Variants in RGS14 observed in about 807,000 individuals in gnomAD.
RGS14 encodes the protein regulator of G protein signaling 14.
A neutral mutation model predicts 63.8 loss-of-function variants in RGS14; 33 were observed. The observed-to-expected ratio is 0.52, with a 90% CI of 0.39 to 0.69. The LOEUF (loss-of-function observed/expected upper bound fraction) is 0.69. Among genes scored for constraint, RGS14 ranks in the 30% least tolerant of loss-of-function variants. The probability of loss-of-function intolerance (pLI) is 0.00; values close to 1 mark genes in which losing one functional copy is unlikely to be tolerated. For missense variants in RGS14, 739 were observed against 742.9 expected, an observed-to-expected ratio of 0.99 and a Z score of 0.06; for synonymous variants, 296 against 320.9, an observed-to-expected ratio of 0.92 and a Z score of 0.83.
intron 1 of RGS14, 57 bp from the exon 2 acceptor site, chr5:177,365,906 T>A: frequency 1.3e-6 from 2 of 1,581,404 alleles, no homozygotes; most frequent in Non-Finnish European, 1.7e-6. Flanking sequence ...GGCCCAGAAC[T>A]GTCCCCTGGG....
In RGS14 at chr5:177,366,270, T is replaced by C; in HGVS notation, c.161T>C (p.Phe54Ser). ...HSLPSGPSSP[F>S]PTEEQPVASW... ...CTCCCCAGTGGTCCCAGCAGCCCCT[T>C]CCCAACCGAGGAGCAGCCTGTGGCC... Residue 54 changes from phenylalanine to serine, a missense_variant, in exon 3 of 15, where the codon TTC becomes TCC. Phe to Ser is a radical substitution (Grantham distance 155). Coordinates refer to ENST00000408923, the MANE Select transcript of RGS14 (RefSeq NM_006480.5). 2 of 1,574,230 alleles carry C rather than the reference T, an allele frequency of 1.3e-6. No individual in the cohort carries two copies. Among genetic ancestry groups the C allele is most frequent in the Non-Finnish European group, 1.7e-6 (2 of 1,160,784 alleles).
chr5:177,372,458 C>T lies in RGS14; in HGVS notation c.*383C>T. ...CCTCAGGAAGCTGGTATGAGTAAGG[C>T]CTTGAGGGTGCAGGCAGGCAGCCCT... On this transcript the variant is annotated 3_prime_UTR_variant, in exon 15 of 15. Coordinates refer to ENST00000408923, the MANE Select transcript of RGS14 (RefSeq NM_006480.5). 4.4e-6 allele frequency: 1 copy of T among 226,634 alleles called. No individual in the cohort carries two copies. The highest frequency in any genetic ancestry group is 8.7e-6 in the Non-Finnish European group (1 of 114,948). The allele number at this position is 226,634 out of a possible 1,614,324, so 14.0% of individuals were successfully genotyped here. A position where few individuals can be genotyped will look rare whatever the true frequency, so the allele number is the denominator to read the frequency against.
Position 177,369,175 on chromosome 5 carries a change from G to T in RGS14, c.1053+255G>T, listed in dbSNP as rs1413264156. On this transcript the variant is annotated intron_variant, in intron 9 of 14. Transcript: ENST00000408923. ...AAAACTGGAGAGAACCACTGTTGGA[G>T]CTGGGGTTTGCCCCTCATCATTCCC... The T allele has an allele frequency of 7.6e-6, 4 of 527,662 alleles. No individual in the cohort carries two copies. The Admixed American group carries it at 1.3e-4, about 17-fold the overall frequency. 32.7% of individuals were successfully genotyped at this position (527,662 alleles called of 1,614,324 possible).
In RGS14 at chr5:177,366,041, A is replaced by G. The variant is rs1762082875; in HGVS notation, c.67+57A>G. ...AGTGGGAGGGAGGAGGGAGGTGGAG[A>G]TGGGTGGGGACACCCCTGCCACCTG... On this transcript the variant is annotated intron_variant, in intron 2 of 14. Coordinates refer to ENST00000408923, the MANE Select transcript of RGS14 (RefSeq NM_006480.5). 4 of 1,566,662 alleles carry G rather than the reference A, an allele frequency of 2.6e-6. No individual in the cohort carries two copies. The African/African-American group carries it at 5.5e-5, about 21-fold the overall frequency.
Position 177,367,046 on chromosome 5 carries a change from T to C in RGS14, c.483+12T>C, listed in dbSNP as rs1762113898. ...CACAGCAGCTTCAGGTGGGCGATCC[T>C]GGGGGGATTGGCCTTGAAAGGGAGA... On this transcript the variant is annotated intron_variant, in intron 5 of 14. Transcript: ENST00000408923. The C allele has an allele frequency of 3.8e-6, 6 of 1,597,532 alleles. No individual in the cohort carries two copies. The highest frequency in any genetic ancestry group is 5.1e-6 in the Non-Finnish European group (6 of 1,172,002).
chr5:177,372,150 C>G lies in RGS14; in HGVS notation c.*75C>G, dbSNP rs1762288568. 6 of 1,396,004 alleles carry G rather than the reference C, an allele frequency of 4.3e-6. No individual in the cohort carries two copies. The highest frequency in any genetic ancestry group is 6.0e-6 in the Non-Finnish European group (6 of 1,005,242). 86.5% of individuals were successfully genotyped at this position (1,396,004 alleles called of 1,614,324 possible). ...ATGCCATGGGTCCGCTCTGCATGCC[C>G]TGTCTGTGCCATGAGTGTCCCTGGC... On this transcript the variant is annotated 3_prime_UTR_variant, in exon 15 of 15. Transcript: ENST00000408923.
In RGS14 at chr5:177,372,112, C is replaced by T. The variant is rs187869615; in HGVS notation, c.*37C>T. On this transcript the variant is annotated 3_prime_UTR_variant, in exon 15 of 15. Transcript: ENST00000408923. ...CAGTCCAGGACAGCTGCATGGCACC[C>T]GGCGGGCCGAGCATGCCATGGGTCC... The T allele has an allele frequency of 3.4e-3, 5,330 of 1,586,672 alleles. 15 individuals carry two copies. Among genetic ancestry groups the T allele is most frequent in the Non-Finnish European group, 4.3e-3 (4,960 of 1,159,476 alleles).
At chr5:177,370,431 A>T in intron 9 of RGS14, 160 bp from the exon 10 acceptor site, 1 of 634,672 alleles carries the variant, frequency 1.6e-6, no homozygotes. Context: ...CCAGCTTGGT[A>T]CCTTAACCCA....
chr5:177,365,085 T>G (rs1483841094), intron 1 of RGS14, among the ~76,000 whole-genome samples: 1 of 152,226 alleles, frequency 6.6e-6, no homozygotes, highest in Non-Finnish European at 1.5e-5. Context: ...CGTGCGATAG[T>G]AAGATCACTG....
intron 1 of RGS14, among the ~76,000 whole-genome samples, chr5:177,363,718 T>C (rs1322153568): frequency 1.3e-5 from 2 of 152,166 alleles, no homozygotes; most frequent in African/African-American, 4.8e-5. Context: ...CATTATTTGC[T>C]CCATTTTTAG....
rs145975673 is a variant in RGS14 at position 177,368,664 on chromosome 5, T to G, written c.850-53T>G. ...GCTTACCTATCTCTGTGTACCTGTG[T>G]GCATGCCCTTGCATGTGTACACATA... On this transcript the variant is annotated intron_variant, in intron 8 of 14. Transcript: ENST00000408923. 1,866 of 1,567,978 alleles carry G rather than the reference T, an allele frequency of 1.2e-3. 21 individuals carry two copies. The African/African-American group carries it at 0.022, about 19-fold the overall frequency.
At position 177,372,176 on chromosome 5, in the gene RGS14, C is replaced by G. The variant is rs1322880445; in HGVS notation, c.*101C>G. The G allele has an allele frequency of 5.0e-6, 6 of 1,207,488 alleles. No individual in the cohort carries two copies. Among genetic ancestry groups the G allele is most frequent in the East Asian group, 2.4e-5 (1 of 42,346 alleles). The allele number at this position is 1,207,488 out of a possible 1,614,324, so 74.8% of individuals were successfully genotyped here. Reference sequence around the variant, plus strand: ...TGTCTGTGCCATGAGTGTCCCTGGCCCCTTCCTGCCATGGGCAGGCCCGCA... The same window carrying G: ...TGTCTGTGCCATGAGTGTCCCTGGCGCCTTCCTGCCATGGGCAGGCCCGCA... On this transcript the variant is annotated 3_prime_UTR_variant, in exon 15 of 15. Transcript: ENST00000408923.
chr5:177,367,267 T>C, intron 5 of RGS14, 147 bp from the exon 6 acceptor site: 1 of 1,165,026 alleles, frequency 8.6e-7, no homozygotes, highest in East Asian at 2.6e-5. Flanking sequence ...ACCCCGGGGG[T>C]GGGTATAGGA....
Position 177,372,152 on chromosome 5 carries a change from G to A in RGS14, c.*77G>A, listed in dbSNP as rs1252933289. ...GCCATGGGTCCGCTCTGCATGCCCTGTCTGTGCCATGAGTGTCCCTGGCCC... is the reference window on the plus strand; with the variant it reads ...GCCATGGGTCCGCTCTGCATGCCCTATCTGTGCCATGAGTGTCCCTGGCCC... On this transcript the variant is annotated 3_prime_UTR_variant, in exon 15 of 15. Transcript: ENST00000408923. 2 of 1,396,992 alleles carry A rather than the reference G, an allele frequency of 1.4e-6. No individual in the cohort carries two copies. Among genetic ancestry groups the A allele is most frequent in the African/African-American group, 2.8e-5 (2 of 70,474 alleles). 86.5% of individuals were successfully genotyped at this position (1,396,992 alleles called of 1,614,324 possible).
chr5:177,368,702 C>A lies in RGS14; in HGVS notation c.850-15C>A. On this transcript the variant is annotated splice_polypyrimidine_tract_variant and intron_variant, in intron 8 of 14. Transcript: ENST00000408923. Reference sequence around the variant, plus strand: ...ATGTGTACACATAATCTCCCCCACTCCTGCCATGAATCAGAGCCACCGGAA... The same window carrying A: ...ATGTGTACACATAATCTCCCCCACTACTGCCATGAATCAGAGCCACCGGAA... 6.2e-7 allele frequency: 1 copy of A among 1,613,576 alleles called. No homozygotes were observed. Among genetic ancestry groups the A allele is most frequent in the South Asian group, 1.1e-5 (1 of 91,048 alleles).
At chr5:177,361,217 A>G (rs1332986571) in intron 1 of RGS14, among the ~76,000 whole-genome samples, 1 of 152,196 alleles carries the variant, frequency 6.6e-6, no homozygotes, top group Non-Finnish European at 1.5e-5. Context: ...TCATCTCCAC[A>G]GGCTGGTTCA....
intron 8 of RGS14, 96 bp downstream of exon 8, chr5:177,368,362 T>A (rs1762159329): frequency 1.5e-6 from 2 of 1,300,140 alleles, no homozygotes; most frequent in African/African-American, 3.0e-5. Flanking sequence ...TTGCTGTCCT[T>A]ACTGCGTCTC....
chr5:177,369,063 C>G, intron 9 of RGS14, 143 bp downstream of exon 9: 1 of 740,858 alleles, frequency 1.3e-6, no homozygotes, highest in East Asian at 2.7e-5. Flanking sequence ...AACTTTCACT[C>G]ACTCAGACAT....
At position 177,366,063 on chromosome 5, in the gene RGS14, CCTG is replaced by C. The variant is rs971817191; in HGVS notation, c.67+82_67+84del. 2.5e-6 allele frequency: 4 copies of C among 1,597,370 alleles called. No homozygotes were observed. In the East Asian group the frequency reaches 6.7e-5, roughly 27 times the overall value. On this transcript the variant is annotated intron_variant, in intron 2 of 14. Transcript: ENST00000408923. Reference sequence around the variant, plus strand: ...GAGATGGGTGGGGACACCCCTGCCACCTGCTATCTTTCCAGGGAACATGGCTGC... The same window carrying C: ...GAGATGGGTGGGGACACCCCTGCCACCTATCTTTCCAGGGAACATGGCTGC...
Sources: allele counts gnomAD v4.1 joint callset (sites outside exome capture counted in the v4.1 genomes callset), GRCh38; gene constraint gnomAD v4.1.1; transcripts MANE v1.5; gene names NCBI Gene and HGNC (gene_info 2026-07-23, HGNC 2026-07-21).